The following PLXNA2 variants were observed in gnomAD, a reference collection of about 807,000 sequenced individuals.
The protein encoded by PLXNA2 is plexin A2.
A neutral mutation model predicts 193.5 loss-of-function variants in PLXNA2; 91 were observed. The observed-to-expected ratio is 0.47, with a 90% CI of 0.40 to 0.56. The LOEUF is 0.56. PLXNA2 is among the 20% of genes least tolerant of loss of function. PLXNA2 has a pLI of 0.00. For missense variants in PLXNA2, 1,995 were observed against 2,503.2 expected (o/e 0.80, Z 4.33); for synonymous variants, 997 against 1,027.3 (o/e 0.97, Z 0.56).
intron 3 of PLXNA2, among the ~76,000 whole-genome samples, chr1:208,158,265 G>A (rs886910540): frequency 1.3e-5 from 2 of 152,066 alleles, no homozygotes; most frequent in African/African-American, 4.8e-5. Flanking sequence ...ACCCACCTGC[G>A]TCTCTCTTTC....
Position 208,074,642 on chromosome 1 carries a change from G to T in PLXNA2, c.2586+4618C>A, listed in dbSNP as rs531431779. ...AACACAGCTGTTTATCTAACTATGC[G>T]TGAGCCCACTTCTTTTTCTAACGTA... On this transcript the variant is annotated intron_variant, in intron 12 of 31. Transcript: ENST00000367033. 2.6e-5 allele frequency among the ~76,000 whole-genome samples: 4 copies of T among 152,286 alleles called. No homozygotes were observed. The South Asian group carries it at 8.3e-4, about 32-fold the overall frequency.
At chr1:208,052,853 G>T (rs1035571946) in intron 14 of PLXNA2, among the ~76,000 whole-genome samples, 27 of 151,884 alleles carry the variant, frequency 1.8e-4, no homozygotes, top group African/African-American at 6.3e-4. Context: ...GCTGAATAAA[G>T]CATCCCTGCC....
chr1:208,089,637 T>C (rs965237748), intron 9 of PLXNA2, among the ~76,000 whole-genome samples: 1 of 152,200 alleles, frequency 6.6e-6, no homozygotes, highest in African/African-American at 2.4e-5. Flanking sequence ...TGAGAACTCC[T>C]GGCACATGTG....
chr1:208,228,582 T>C (rs1040014841), intron 1 of PLXNA2, among the ~76,000 whole-genome samples: 2 of 152,154 alleles, frequency 1.3e-5, no homozygotes, highest in African/African-American at 4.8e-5. Context: ...GGCTGAAGTG[T>C]GAAATTCACC....
intron 3 of PLXNA2, among the ~76,000 whole-genome samples, chr1:208,180,890 G>A (rs538982235): frequency 6.6e-6 from 1 of 152,330 alleles, no homozygotes; most frequent in South Asian, 2.1e-4. Flanking sequence ...GGGAGTAACC[G>A]CTATTGGCCC....
chr1:208,212,676 A>G (rs866100231), intron 2 of PLXNA2, among the ~76,000 whole-genome samples: 4 of 152,330 alleles, frequency 2.6e-5, no homozygotes, highest in Middle Eastern at 3.4e-3. Context: ...CCCTGCCTGC[A>G]TAGAGCCAGT....
intron 4 of PLXNA2, among the ~76,000 whole-genome samples, chr1:208,115,414 G>T (rs940001365): frequency 1.3e-5 from 2 of 152,148 alleles, no homozygotes; most frequent in Non-Finnish European, 2.9e-5. Flanking sequence ...AAAGTTATCT[G>T]CAGCTGAAGA....
intron 3 of PLXNA2, among the ~76,000 whole-genome samples, chr1:208,177,458 A>T (rs908819445): frequency 1.1e-4 from 16 of 152,252 alleles, no homozygotes; most frequent in Admixed American, 1.0e-3. Context: ...ATTATTTATG[A>T]GGATTAAAAG....
intron 3 of PLXNA2, among the ~76,000 whole-genome samples, chr1:208,203,293 C>G (rs1388103041): frequency 6.6e-6 from 1 of 152,152 alleles, no homozygotes; most frequent in Non-Finnish European, 1.5e-5. Flanking sequence ...GCTCCCTGAA[C>G]CACCACCCCA....
At chr1:208,181,783 C>A (rs989799552) in intron 3 of PLXNA2, among the ~76,000 whole-genome samples, 1 of 152,090 alleles carries the variant, frequency 6.6e-6, no homozygotes, top group African/African-American at 2.4e-5. Context: ...TGGGAAGTGG[C>A]GGAATACAGA....
At position 208,221,381 on chromosome 1, in the gene PLXNA2, GTTTTTTT is replaced by G. The variant is rs33915614; in HGVS notation, c.-80-3386_-80-3380del. On this transcript the variant is annotated intron_variant, in intron 1 of 31. Coordinates refer to ENST00000367033, the MANE Select transcript of PLXNA2 (RefSeq NM_025179.4). ...AGGTCAGGAGCTTTTTTCTTTTTCT[GTTTTTTT>G]TTTTTTTTTTTTTTTTTTTCAGGCC... 1.2e-4 allele frequency among the ~76,000 whole-genome samples: 7 copies of G among 58,086 alleles called. No homozygotes were observed. In the South Asian group the frequency reaches 2.7e-3, roughly 22 times the overall value. The allele number at this position is 58,086 out of a possible 152,430, so 38.1% of individuals were successfully genotyped here.
intron 9 of PLXNA2, among the ~76,000 whole-genome samples, chr1:208,085,173 G>C (rs1175236283): frequency 6.6e-6 from 1 of 151,880 alleles, no homozygotes; most frequent in East Asian, 1.9e-4. Context: ...AGAAAGTCTT[G>C]GTAGGGAGGG....
At chr1:208,158,375 C>A (rs996514803) in intron 3 of PLXNA2, among the ~76,000 whole-genome samples, 2 of 152,118 alleles carry the variant, frequency 1.3e-5, no homozygotes, top group African/African-American at 4.8e-5. Flanking sequence ...CTGTGTCTGT[C>A]TCCTCTCTCA....
chr1:208,042,898 GCCGTAA>G (rs780810153), intron 21 of PLXNA2, among the ~76,000 whole-genome samples, 157 bp downstream of exon 21: 3 of 152,212 alleles, frequency 2.0e-5, no homozygotes, highest in Non-Finnish European at 2.9e-5. Flanking sequence ...TGCCCCCTCA[GCCGTAA>G]CCTTCCTGAT....
chr1:208,153,773 C>T (rs767710772), intron 3 of PLXNA2, among the ~76,000 whole-genome samples: 11 of 152,186 alleles, frequency 7.2e-5, no homozygotes, highest in Admixed American at 1.3e-4. Context: ...CCTTGCAGTC[C>T]CCGGCAGCCA....
At chr1:208,122,903 T>C (rs1340481501) in intron 4 of PLXNA2, among the ~76,000 whole-genome samples, 2 of 152,160 alleles carry the variant, frequency 1.3e-5, no homozygotes, top group South Asian at 2.1e-4. Context: ...AGATTTTTAA[T>C]ATAAGAGCTT....
intron 12 of PLXNA2, among the ~76,000 whole-genome samples, chr1:208,078,477 T>C (rs759550878): frequency 6.6e-6 from 1 of 152,152 alleles, no homozygotes; most frequent in Non-Finnish European, 1.5e-5. Flanking sequence ...CTCTTCCTCC[T>C]TTCTTAAACA....
At chr1:208,125,617 A>G (rs1667952776) in intron 4 of PLXNA2, among the ~76,000 whole-genome samples, 1 of 152,254 alleles carries the variant, frequency 6.6e-6, no homozygotes, top group East Asian at 1.9e-4. Flanking sequence ...AGCATATTAG[A>G]TAAAATAAAA....
At chr1:208,162,138 T>C (rs1669126126) in intron 3 of PLXNA2, among the ~76,000 whole-genome samples, 1 of 152,148 alleles carries the variant, frequency 6.6e-6, no homozygotes. Flanking sequence ...CACAGCACCC[T>C]GATGGGAAGG....
Sources: allele counts gnomAD v4.1 joint callset (sites outside exome capture counted in the v4.1 genomes callset), GRCh38; gene constraint gnomAD v4.1.1; transcripts MANE v1.5; gene names NCBI Gene and HGNC (gene_info 2026-07-23, HGNC 2026-07-21).